The following VPS13B variants were observed in gnomAD, a reference collection of about 807,000 sequenced individuals.
VPS13B encodes the protein vacuolar protein sorting 13 homolog B.
A neutral mutation model predicts 426.4 loss-of-function variants in VPS13B; 285 were observed. That is an observed-to-expected ratio of 0.67 (90% CI 0.61 to 0.74). The LOEUF is 0.74. Among genes scored for constraint, VPS13B ranks in the 30% least tolerant of loss-of-function variants. The pLI, the probability that VPS13B is intolerant of heterozygous loss-of-function variation, is 0.00. For synonymous variants in VPS13B, 1,676 were observed against 1,676.4 expected (o/e 1.00, Z 0.01); for missense variants, 4,537 against 4,782.6 (o/e 0.95, Z 1.51).
At chr8:99,254,603 AAATT>A (rs1355188458) in intron 17 of VPS13B, among the ~76,000 whole-genome samples, 7 of 151,312 alleles carry the variant, frequency 4.6e-5, no homozygotes, top group African/African-American at 1.7e-4. Flanking sequence ...ACTATTTTTT[AAATT>A]AATTAATTTT....
chr8:99,853,786 A>G lies in VPS13B; in HGVS notation c.10397A>G (p.Asn3466Ser). The G allele has an allele frequency of 6.2e-7, 1 of 1,614,230 alleles. No homozygotes were observed. The highest frequency in any genetic ancestry group is 8.5e-7 in the Non-Finnish European group (1 of 1,180,036). Reference sequence around the variant, plus strand: ...AAAATGCAGAGTCTCCTCATATCCAACAAAGAGTTGGAAGAATACAAGGAA... The same window carrying G: ...AAAATGCAGAGTCTCCTCATATCCAGCAAAGAGTTGGAAGAATACAAGGAA... ...CSKMQSLLIS[N>S]KELEEYKEKC... The change falls in exon 56 of 62, where the codon AAC (asparagine) becomes AGC (serine). Residue 3466 changes from asparagine (N) to serine (S), a missense_variant. By Grantham distance (46) the Asn-to-Ser change is conservative. Transcript: ENST00000357162.
chr8:99,175,715 C>T (rs1699503868), intron 16 of VPS13B, among the ~76,000 whole-genome samples: 1 of 152,152 alleles, frequency 6.6e-6, no homozygotes, highest in African/African-American at 2.4e-5. Context: ...CATGATCATG[C>T]CACTGCTCTC....
chr8:99,776,398 G>A (rs981114294), intron 40 of VPS13B, among the ~76,000 whole-genome samples: 16 of 152,136 alleles, frequency 1.1e-4, no homozygotes, highest in Admixed American at 8.5e-4. Context: ...GACCTGCTGT[G>A]CTTAAGCAAT....
In VPS13B at chr8:99,537,488, C is replaced by T. The variant is rs544705823; in HGVS notation, c.4745+16478C>T. ...TCAGGTTTGTTCTCCATAGTTTAACCCTCAAAGAAGAAATTACATTATGCA... is the reference window on the plus strand; with the variant it reads ...TCAGGTTTGTTCTCCATAGTTTAACTCTCAAAGAAGAAATTACATTATGCA... On this transcript the variant is annotated intron_variant, in intron 30 of 61. Transcript: ENST00000357162. Among the ~76,000 whole-genome samples the T allele has an allele frequency of 5.3e-5, 8 of 152,128 alleles. No homozygotes were observed. The Middle Eastern group carries it at 0.01, about 195-fold the overall frequency.
intron 23 of VPS13B, among the ~76,000 whole-genome samples, chr8:99,459,478 A>G (rs1258210406): frequency 6.6e-6 from 1 of 152,198 alleles, no homozygotes; most frequent in South Asian, 2.1e-4. Context: ...TAGAATATAC[A>G]TATACAAAGC....
chr8:99,550,397 GA>G (rs1490859668), intron 30 of VPS13B, among the ~76,000 whole-genome samples: 2 of 151,138 alleles, frequency 1.3e-5, no homozygotes, highest in Admixed American at 6.6e-5. Flanking sequence ...GACTAGGAGA[GA>G]TTTTTTTTTT....
At chr8:99,656,203 C>T (rs1455428130) in intron 34 of VPS13B, among the ~76,000 whole-genome samples, 2 of 152,164 alleles carry the variant, frequency 1.3e-5, no homozygotes, top group African/African-American at 2.4e-5. Flanking sequence ...AATACAAATG[C>T]CTTATGAAAG....
intron 21 of VPS13B, among the ~76,000 whole-genome samples, chr8:99,428,420 T>A (rs901317936): frequency 1.3e-5 from 2 of 151,962 alleles, no homozygotes; most frequent in East Asian, 1.9e-4. Context: ...GAATCTACAA[T>A]GAACTCAAAC....
intron 58 of VPS13B, chr8:99,868,043 A>G (rs564810142): frequency 1.4e-4 from 67 of 468,482 alleles, no homozygotes; most frequent in African/African-American, 1.3e-3. Flanking sequence ...TTAAATTCTG[A>G]ACTAAACTTC....
chr8:99,271,198 T>A (rs764238644), intron 17 of VPS13B, among the ~76,000 whole-genome samples: 96 of 24,764 alleles, frequency 3.9e-3, no homozygotes, highest in South Asian at 8.9e-3. Context: ...TACCACTAAC[T>A]ACTACTACTA....
rs1483006997 is a variant in VPS13B at position 99,297,097 on chromosome 8, G to T, written c.2824+21843G>T. Among the ~76,000 whole-genome samples, 5 of 152,080 alleles carry T rather than the reference G, an allele frequency of 3.3e-5. No individual in the cohort carries two copies. The East Asian group carries it at 7.7e-4, about 23-fold the overall frequency. ...TTCTCAACAAATTCAGAAAATTTGA[G>T]ACTTTAGATGCTAAAATGTAAAATG... On this transcript the variant is annotated intron_variant, in intron 19 of 61. Transcript: ENST00000357162.
chr8:99,692,084 A>G (rs1563865782), intron 35 of VPS13B, among the ~76,000 whole-genome samples: 1 of 145,042 alleles, frequency 6.9e-6, no homozygotes, highest in Non-Finnish European at 1.5e-5. Context: ...ACTCCCACAC[A>G]TTAATAATGG....
intron 23 of VPS13B, among the ~76,000 whole-genome samples, chr8:99,464,458 C>G (rs1039351118): frequency 2.0e-5 from 3 of 152,094 alleles, no homozygotes; most frequent in Non-Finnish European, 4.4e-5. Context: ...CAAAAAGATT[C>G]AGGGTCATAA....
chr8:99,117,709 T>C, intron 7 of VPS13B, among the ~76,000 whole-genome samples: 1 of 152,228 alleles, frequency 6.6e-6, no homozygotes, highest in African/African-American at 2.4e-5. Flanking sequence ...ATACATATGA[T>C]ATGATTCCAT....
chr8:99,280,293 G>C (rs1278639880), intron 19 of VPS13B, among the ~76,000 whole-genome samples: 1 of 151,898 alleles, frequency 6.6e-6, no homozygotes, highest in Admixed American at 6.6e-5. Flanking sequence ...TTTCTCCAAG[G>C]AAGCCTTCTG....
At chr8:99,640,002 A>G (rs1829250679) in intron 33 of VPS13B, among the ~76,000 whole-genome samples, 1 of 89,378 alleles carries the variant, frequency 1.1e-5, no homozygotes, top group Non-Finnish European at 2.1e-5. Flanking sequence ...TAATAATAAT[A>G]ATAATAATAA....
At chr8:99,499,532 A>C (rs1821113906) in intron 25 of VPS13B, among the ~76,000 whole-genome samples, 1 of 152,124 alleles carries the variant, frequency 6.6e-6, no homozygotes, top group African/African-American at 2.4e-5. Flanking sequence ...ACATAAAGAA[A>C]GGCTATATAT....
rs181474093 is a variant in VPS13B at position 99,362,167 on chromosome 8, G to A, written c.2825-22041G>A. Among the ~76,000 whole-genome samples, 501 of 145,424 alleles carry A rather than the reference G, an allele frequency of 3.4e-3. 2 individuals carry two copies. Among genetic ancestry groups the A allele is most frequent in the African/African-American group, 0.012 (478 of 39,272 alleles). The stretch of plus-strand genomic sequence containing the variant: ...TTTTTTTTTTTTTTTTTTTGAGACG[G>A]AGTCTCGCTCTGTCGCCCAGGCTGG... On this transcript the variant is annotated intron_variant, in intron 19 of 61. Coordinates refer to ENST00000357162, the MANE Select transcript of VPS13B (RefSeq NM_152564.5).
intron 23 of VPS13B, among the ~76,000 whole-genome samples, chr8:99,458,762 G>A (rs1157948928): frequency 1.3e-5 from 2 of 151,994 alleles, no homozygotes; most frequent in Admixed American, 6.6e-5. Context: ...TTTTTGATGG[G>A]GTTGTTTGTT....
Sources: gnomAD v4.1 joint callset for allele counts (sites outside exome capture counted in the v4.1 genomes callset) on GRCh38, gnomAD v4.1.1 for gene constraint, MANE v1.5 for transcripts, NCBI Gene and HGNC (gene_info 2026-07-23, HGNC 2026-07-21) for gene names.